DNAH14: variants seen among roughly 807,000 people sequenced by gnomAD.
DNAH14 encodes dynein axonemal heavy chain 14.
Under a neutral mutation model 520.9 loss-of-function variants are expected in DNAH14, and 478 were observed. The ratio of observed to expected loss-of-function variants is 0.92; its 90% CI spans 0.85 to 0.99. DNAH14 has a LOEUF of 0.99. Ranked by LOEUF, DNAH14 falls within the 50% of genes least tolerant of loss-of-function variation. The pLI, the probability that DNAH14 is intolerant of heterozygous loss-of-function variation, is 0.00. For missense variants in DNAH14, 4,831 were observed against 5,234.5 expected (o/e 0.92, Z 2.38); for synonymous variants, 1,581 against 1,757.2 (o/e 0.90, Z 2.51).
chr1:225,078,471 A>G (rs1394334142), intron 17 of DNAH14, among the ~76,000 whole-genome samples: 1 of 152,188 alleles, frequency 6.6e-6, no homozygotes, highest in Admixed American at 6.5e-5. Flanking sequence ...ATGTCTTAAT[A>G]GCATCTATTT....
intron 36 of DNAH14, among the ~76,000 whole-genome samples, chr1:225,180,776 T>C (rs546434886): frequency 1.3e-5 from 2 of 152,348 alleles, no homozygotes; most frequent in Admixed American, 1.3e-4. Context: ...TTGAGCTCAC[T>C]GGTTGTTCTG....
intron 27 of DNAH14, among the ~76,000 whole-genome samples, chr1:225,128,405 C>A (rs1354216829): frequency 1.3e-5 from 2 of 152,042 alleles, no homozygotes; most frequent in Non-Finnish European, 2.9e-5. Context: ...AACATCGATG[C>A]AAAAATCCTC....
intron 41 of DNAH14, among the ~76,000 whole-genome samples, chr1:225,211,972 A>G (rs1010784991): frequency 6.6e-6 from 1 of 151,832 alleles, no homozygotes; most frequent in Non-Finnish European, 1.5e-5. Context: ...TTTGTTACGT[A>G]TGTATACATG....
chr1:224,954,813 A>G, intron 2 of DNAH14, 146 bp from the exon 3 acceptor site: 2 of 593,478 alleles, frequency 3.4e-6, no homozygotes, highest in Non-Finnish European at 5.9e-6. Context: ...TCTTTCAATT[A>G]TGGAGCATGT....
intron 81 of DNAH14, among the ~76,000 whole-genome samples, chr1:225,386,359 C>A (rs899339831): frequency 5.3e-5 from 8 of 152,152 alleles, no homozygotes; most frequent in Non-Finnish European, 1.0e-4. Flanking sequence ...GCAATGGCAA[C>A]AAAAGCCAAA....
chr1:224,937,143 T>C (rs1385423600), intron 1 of DNAH14, among the ~76,000 whole-genome samples: 1 of 150,284 alleles, frequency 6.7e-6, no homozygotes, highest in African/African-American at 2.5e-5. Context: ...CACTAAGAAG[T>C]AGAACAAGAC....
intron 17 of DNAH14, among the ~76,000 whole-genome samples, chr1:225,078,859 CCTCTCT>C (rs752732306): frequency 0.018 from 333 of 18,958 alleles, 7 homozygotes; most frequent in Middle Eastern, 0.036. Context: ...TCTCTCTCTC[CCTCTCT>C]CTCTCTCTCT....
At chr1:225,239,985 C>T (rs1328715864) in intron 42 of DNAH14, among the ~76,000 whole-genome samples, 2 of 152,134 alleles carry the variant, frequency 1.3e-5, no homozygotes, top group African/African-American at 4.8e-5. Context: ...ATGATCCTAC[C>T]AACCATGGGT....
intron 83 of DNAH14, among the ~76,000 whole-genome samples, chr1:225,391,998 G>A (rs1485212904): frequency 6.6e-6 from 1 of 152,102 alleles, no homozygotes. Flanking sequence ...CTCAGAAATG[G>A]AGAGGGTCTC....
chr1:225,173,022 T>C (rs558636636), intron 36 of DNAH14, among the ~76,000 whole-genome samples: 41 of 152,310 alleles, frequency 2.7e-4, no homozygotes, highest in South Asian at 2.5e-3. Context: ...GATTCCTTAT[T>C]TAATAAATGG....
At chr1:225,109,023 G>A (rs1316961561) in intron 23 of DNAH14, among the ~76,000 whole-genome samples, 3 of 152,124 alleles carry the variant, frequency 2.0e-5, no homozygotes, top group African/African-American at 7.2e-5. Context: ...TGAGTTCACT[G>A]TAGATGTACG....
chr1:224,984,521 TA>T (rs2062487750), intron 8 of DNAH14, among the ~76,000 whole-genome samples: 1 of 151,894 alleles, frequency 6.6e-6, no homozygotes, highest in African/African-American at 2.4e-5. Context: ...ACAATTGCAA[TA>T]AAAACAAAGA....
chr1:225,376,587 G>T (rs76996935), intron 78 of DNAH14, among the ~76,000 whole-genome samples: 1,934 of 152,308 alleles, frequency 0.013, 45 homozygotes, highest in African/African-American at 0.043. Context: ...TGACAGAAGG[G>T]TATTCTGAAA....
At position 225,300,879 on chromosome 1, in the gene DNAH14, T is replaced by C. The variant is rs2094126293; in HGVS notation, c.8480T>C (p.Leu2827Ser). The part of the protein sequence containing the change: ...PNLNIEQDSF[L>S]EDLNYIISSG... ...TGTGTTTTGCCTAAGGACTCATTTT[T>C]AGAAGATTTGAACTACATCATCAGT... is the stretch of plus-strand genomic sequence containing the variant. The change falls in exon 56 of 86, where the codon TTA becomes TCA. Residue 2827 changes from leucine to serine, a missense_variant. Coordinates refer to ENST00000682510, the MANE Select transcript of DNAH14 (RefSeq NM_001367479.1). The C allele has an allele frequency of 6.4e-7, 1 of 1,551,032 alleles. No homozygotes were observed. Among genetic ancestry groups the C allele is most frequent in the Non-Finnish European group, 8.7e-7 (1 of 1,146,820 alleles).
intron 8 of DNAH14, among the ~76,000 whole-genome samples, chr1:224,998,278 T>C (rs772189709): frequency 3.3e-5 from 5 of 152,272 alleles, no homozygotes; most frequent in Non-Finnish European, 7.4e-5. Flanking sequence ...CTCCATTTCA[T>C]TGATTTCTGC....
At chr1:225,151,545 T>C (rs553958357) in intron 31 of DNAH14, among the ~76,000 whole-genome samples, 10 of 152,348 alleles carry the variant, frequency 6.6e-5, no homozygotes, top group Non-Finnish European at 1.3e-4. Context: ...CTGATGTTCA[T>C]GCCAAGCATT....
chr1:225,277,972 ATTT>A (rs559446514), intron 54 of DNAH14, among the ~76,000 whole-genome samples: 4 of 152,084 alleles, frequency 2.6e-5, no homozygotes, highest in Non-Finnish European at 4.4e-5. Context: ...CATATTAATT[ATTT>A]TTATTTAATT....
At chr1:225,321,857 T>C (rs1435093283) in intron 61 of DNAH14, among the ~76,000 whole-genome samples, 1 of 152,092 alleles carries the variant, frequency 6.6e-6, no homozygotes, top group East Asian at 1.9e-4. Flanking sequence ...ATCTGTGATT[T>C]TTATGGTGGG....
chr1:225,189,766 TG>T (rs2085185118), intron 37 of DNAH14, among the ~76,000 whole-genome samples: 1 of 152,036 alleles, frequency 6.6e-6, no homozygotes, highest in East Asian at 1.9e-4. Context: ...TTCTTTTAAT[TG>T]GCAAACTTAA....
Sources: gnomAD v4.1 joint callset for allele counts (sites outside exome capture counted in the v4.1 genomes callset) on GRCh38, gnomAD v4.1.1 for gene constraint, MANE v1.5 for transcripts, NCBI Gene and HGNC (gene_info 2026-07-23, HGNC 2026-07-21) for gene names.